AGAP5: variants seen among roughly 807,000 people sequenced by gnomAD.
The protein encoded by AGAP5 is arf-GAP with GTPase, ANK repeat and PH domain-containing protein 5.
A neutral mutation model predicts 27.7 loss-of-function variants in AGAP5; 8 were observed. That is an observed-to-expected ratio of 0.29 (90% CI 0.17 to 0.52). The LOEUF (loss-of-function observed/expected upper bound fraction) is 0.52, where lower values mean the gene tolerates loss of function less well. AGAP5 is among the 20% of genes least tolerant of loss of function. The pLI is 0.97. For missense variants in AGAP5, 285 were observed against 880.8 expected (o/e 0.32, Z 8.56); for synonymous variants, 111 against 338.0 (o/e 0.33, Z 7.37).
At position 73,697,812 on chromosome 10, in the gene AGAP5, A is replaced by G. The variant is rs1183550586; in HGVS notation, c.-57T>C. The G allele has an allele frequency of 6.3e-7, 1 of 1,592,326 alleles. No homozygotes were observed. The highest frequency in any genetic ancestry group is 8.5e-7 in the Non-Finnish European group (1 of 1,177,074). ...CCTCTGCTCACAGCTTTGGCCACAC[A>G]CTCCCACTGTCCTAGGCCGAGGCTA... On this transcript the variant is annotated 5_prime_UTR_variant, in exon 1 of 8. Coordinates refer to ENST00000374094, the MANE Select transcript of AGAP5 (RefSeq NM_001144000.4).
chr10:73,691,024 C>T (rs1447641240), intron 4 of AGAP5, among the ~76,000 whole-genome samples: 1 of 152,192 alleles, frequency 6.6e-6, no homozygotes, highest in African/African-American at 2.4e-5. Context: ...GGGGGAAAAA[C>T]AGCTGTTAGA....
intron 1 of AGAP5, 59 bp downstream of exon 1, chr10:73,697,474 T>C: frequency 6.2e-7 from 1 of 1,604,720 alleles, no homozygotes; most frequent in East Asian, 2.2e-5. Context: ...AAAGGGAACC[T>C]TGGGGACAGC....
chr10:73,693,463 T>G (rs1413412008), intron 3 of AGAP5, among the ~76,000 whole-genome samples: 1 of 152,076 alleles, frequency 6.6e-6, no homozygotes, highest in Non-Finnish European at 1.5e-5. Context: ...TTTGGGAGGC[T>G]GAAGCGGGTA....
rs187299696 is a variant in AGAP5 at position 73,678,240 on chromosome 10, A to G, written c.534-1470T>C. Among the ~76,000 whole-genome samples, 716 of 152,298 alleles carry G rather than the reference A, an allele frequency of 4.7e-3. 9 individuals carry two copies. The highest frequency in any genetic ancestry group is 0.017 in the African/African-American group (690 of 41,556). On this transcript the variant is annotated intron_variant, in intron 6 of 7. Coordinates refer to ENST00000374094, the MANE Select transcript of AGAP5 (RefSeq NM_001144000.4). ...GAAACTGTGTCTCTATCAAACATAT[A>G]AGAAAATTAGCCTGGCGTGGTGCCA...
rs1248456711 is a variant in AGAP5, at chr10:73,697,534, T to G, written c.222A>C (p.Glu74Asp). The change falls in exon 1 of 8, where the codon GAA becomes GAC. Residue 74 changes from glutamate to aspartate, a missense_variant and splice_region_variant. Physicochemically the swap from Glu to Asp is conservative, Grantham distance 45. Coordinates refer to ENST00000374094, the MANE Select transcript of AGAP5 (RefSeq NM_001144000.4). ...AGATGGCACCTATCACCTCCTTACC[T>G]TCAGGCATCTCCTGGTCACGAATGT... ...MHHIRDQEMP[E>D]ALEFSLSANP... 2 of 1,612,628 alleles carry G rather than the reference T, an allele frequency of 1.2e-6. No individual in the cohort carries two copies. The highest frequency in any genetic ancestry group is 8.5e-7 in the Non-Finnish European group (1 of 1,179,962).
intron 4 of AGAP5, among the ~76,000 whole-genome samples, chr10:73,687,025 G>T (rs535698489): frequency 6.6e-6 from 1 of 151,806 alleles, no homozygotes; most frequent in Non-Finnish European, 1.5e-5. Context: ...TGGGTTCAGC[G>T]GATACTGCTC....
At chr10:73,688,972 T>C (rs901566864) in intron 4 of AGAP5, among the ~76,000 whole-genome samples, 22 of 152,012 alleles carry the variant, frequency 1.4e-4, no homozygotes, top group Non-Finnish European at 2.8e-4. Flanking sequence ...CTGCCTCTGC[T>C]GCCTCTGCCT....
chr10:73,689,743 T>A (rs1470644175), intron 4 of AGAP5, among the ~76,000 whole-genome samples: 1 of 146,870 alleles, frequency 6.8e-6, no homozygotes, highest in African/African-American at 2.6e-5. Flanking sequence ...GAGGAGCCCC[T>A]CCGCCTGGCA....
chr10:73,680,592 T>TGG (rs3998907), intron 5 of AGAP5, among the ~76,000 whole-genome samples: 1 of 22,854 alleles, frequency 4.4e-5, no homozygotes, highest in African/African-American at 1.6e-4. Flanking sequence ...TAATTTTTTT[T>TGG]GGGGGGGGTG....
chr10:73,697,926 C>T lies in AGAP5; in HGVS notation c.-171G>A. The T allele has an allele frequency of 2.0e-6, 3 of 1,528,456 alleles. No homozygotes were observed. The allele number at this position is 1,528,456 out of a possible 1,614,324, so 94.7% of individuals were successfully genotyped here. A position where few individuals can be genotyped will look rare whatever the true frequency, so the allele number is the denominator to read the frequency against. On this transcript the variant is annotated 5_prime_UTR_variant, in exon 1 of 8. Coordinates refer to ENST00000374094, the MANE Select transcript of AGAP5 (RefSeq NM_001144000.4). ...CACCATCCCTGGCCCCGGCCCCGGC[C>T]CCGGCTAGGGCTGCGGGTCAAGGCC...
At chr10:73,695,223 T>A (rs1240153290) in intron 2 of AGAP5, among the ~76,000 whole-genome samples, 1 of 152,206 alleles carries the variant, frequency 6.6e-6, no homozygotes, top group African/African-American at 2.4e-5. Flanking sequence ...GTTTTTAAAA[T>A]TTTTAAAAAG....
intron 2 of AGAP5, among the ~76,000 whole-genome samples, chr10:73,696,692 C>CT (rs2082164907): frequency 6.6e-6 from 1 of 152,220 alleles, no homozygotes; most frequent in Non-Finnish European, 1.5e-5. Context: ...CATTTCACAC[C>CT]TTTCACAATT....
intron 4 of AGAP5, among the ~76,000 whole-genome samples, chr10:73,688,985 GCCGCCTCCGCCT>G (rs376480052): frequency 8.4e-4 from 127 of 152,092 alleles, no homozygotes; most frequent in Non-Finnish European, 1.3e-3. Flanking sequence ...CTCTGCCTCT[GCCGCCTCCGCCT>G]CCGCCTCCGC....
At position 73,697,590 on chromosome 10, in the gene AGAP5, C is replaced by T. The variant is rs564312526; in HGVS notation, c.166G>A (p.Val56Ile). 1.2e-5 allele frequency: 20 copies of T among 1,612,150 alleles called. No homozygotes were observed. The Middle Eastern group carries it at 6.8e-4, about 54-fold the overall frequency. The change falls in exon 1 of 8, where the codon GTT (valine) becomes ATT (isoleucine). Residue 56 changes from valine (V) to isoleucine (I), a missense_variant. Transcript: ENST00000374094. ...ATGTGGAGGTCCTCACCAACTTCAA[C>T]GGTCACCTCAGCAGGCTGCACAGCA... ...AAAVQPAEVT[V>I]EVGEDLHMHH...
At chr10:73,690,000 C>T (rs1292087226) in intron 4 of AGAP5, among the ~76,000 whole-genome samples, 1 of 151,682 alleles carries the variant, frequency 6.6e-6, no homozygotes, top group Non-Finnish European at 1.5e-5. Context: ...GTCAGCCCCC[C>T]GCCTGGCCAG....
chr10:73,696,901 CAA>C (rs2082166143), intron 2 of AGAP5, among the ~76,000 whole-genome samples, 192 bp downstream of exon 2: 1 of 152,140 alleles, frequency 6.6e-6, no homozygotes, highest in South Asian at 2.1e-4. Context: ...GCTACTTTAA[CAA>C]AGGAAACAAT....
chr10:73,693,199 G>A (rs966016162), intron 3 of AGAP5, among the ~76,000 whole-genome samples: 6 of 152,178 alleles, frequency 3.9e-5, no homozygotes, highest in African/African-American at 1.2e-4. Context: ...GGTGTGAGAA[G>A]CCCATGGCTC....
chr10:73,695,371 C>T (rs1589479139), intron 2 of AGAP5, among the ~76,000 whole-genome samples: 1 of 152,112 alleles, frequency 6.6e-6, no homozygotes, highest in Admixed American at 6.5e-5. Context: ...AGAACATACA[C>T]AGGCCTTATT....
At chr10:73,695,223 T>TTTTTAAA (rs2082151267) in intron 2 of AGAP5, among the ~76,000 whole-genome samples, 1 of 152,206 alleles carries the variant, frequency 6.6e-6, no homozygotes, top group African/African-American at 2.4e-5. Flanking sequence ...GTTTTTAAAA[T>TTTTTAAA]TTTTAAAAAG....
Sources: allele counts gnomAD v4.1 joint callset (sites outside exome capture counted in the v4.1 genomes callset), GRCh38; gene constraint gnomAD v4.1.1; transcripts MANE v1.5; gene names NCBI Gene and HGNC (gene_info 2026-07-23, HGNC 2026-07-21).